PAK6: variants seen among roughly 807,000 people sequenced by gnomAD.
The protein encoded by PAK6 is p21 (RAC1) activated kinase 6.
A neutral mutation model predicts 60.8 loss-of-function variants in PAK6; 33 were observed. The ratio of observed to expected loss-of-function variants is 0.54; its 90% CI spans 0.41 to 0.73. PAK6 has a LOEUF of 0.73. PAK6 is among the 30% of genes least tolerant of loss of function. The pLI is 0.00. For synonymous variants in PAK6, 404 were observed against 378.5 expected, an observed-to-expected ratio of 1.07 and a Z score of -0.78; for missense variants, 845 against 904.1, an observed-to-expected ratio of 0.93 and a Z score of 0.84.
At chr15:40,267,576 G>A (rs530449610) in intron 5 of PAK6, among the ~76,000 whole-genome samples, 7 of 152,304 alleles carry the variant, frequency 4.6e-5, no homozygotes, top group South Asian at 2.1e-4. Flanking sequence ...GGAGAATGGC[G>A]TGAACCCGGG....
intron 4 of PAK6, 93 bp from the exon 5 acceptor site, chr15:40,265,749 C>A (rs1411818018): frequency 1.5e-5 from 18 of 1,176,202 alleles, no homozygotes; most frequent in Non-Finnish European, 2.1e-5. Flanking sequence ...CTCCCCAGGG[C>A]CCCCAGGGAC....
chr15:40,269,833 C>T (rs1039073063), intron 5 of PAK6, among the ~76,000 whole-genome samples: 18 of 152,210 alleles, frequency 1.2e-4, no homozygotes, highest in Admixed American at 2.0e-4. Context: ...AGCAGCAGCA[C>T]AGGGACCTGG....
chr15:40,245,443 G>T (rs2038472542), intron 2 of PAK6: 1 of 152,270 alleles, frequency 6.6e-6, no homozygotes, highest in Non-Finnish European at 1.5e-5. Flanking sequence ...TCCTGGCCTG[G>T]AGAGGCTCTA....
chr15:40,252,312 G>T (rs1420687066), intron 2 of PAK6: 9 of 1,241,688 alleles, frequency 7.2e-6, no homozygotes, highest in Non-Finnish European at 9.3e-6. Context: ...TCGGGTCTCC[G>T]CGAGGCGGCC....
At chr15:40,259,587 G>C (rs968000459) in intron 3 of PAK6, 1 of 152,110 alleles carries the variant, frequency 6.6e-6, no homozygotes, top group Admixed American at 6.5e-5. Flanking sequence ...AGGAGTTCAA[G>C]ATCAGCCCAG....
exon 5 of PAK6, chr15:40,266,178 G>C: frequency 6.2e-7 from 1 of 1,609,190 alleles, no homozygotes; most frequent in Non-Finnish European, 8.5e-7. Context: ...ACAGTCCCTG[G>C]GCCCCGCCGA....
chr15:40,273,801 C>A (rs1227762070), intron 9 of PAK6, 125 bp downstream of exon 9: 2 of 1,152,080 alleles, frequency 1.7e-6, no homozygotes, highest in African/African-American at 1.5e-5. Flanking sequence ...ACCTAGTCAA[C>A]ACCCTTCCCC....
At chr15:40,253,529 T>TGGCCCGCCC (rs2140958199) in intron 3 of PAK6, among the ~76,000 whole-genome samples, 1 of 152,328 alleles carries the variant, frequency 6.6e-6, no homozygotes, top group Admixed American at 6.5e-5. Flanking sequence ...AGACCTCAAA[T>TGGCCCGCCC]GGCCCGCCCT....
In PAK6 at chr15:40,276,780, G is replaced by A; in HGVS notation, c.*686G>A. 7.1e-6 allele frequency: 1 copy of A among 140,222 alleles called. No individual in the cohort carries two copies. The highest frequency in any genetic ancestry group is 1.6e-5 in the Non-Finnish European group (1 of 63,668). The allele number at this position is 140,222 out of a possible 1,614,324, so 8.7% of individuals were successfully genotyped here. A position where few individuals can be genotyped will look rare whatever the true frequency, so the allele number is the denominator to read the frequency against. On this transcript the variant is annotated 3_prime_UTR_variant, in exon 11 of 11. Transcript: ENST00000560346. ...TGTGTGTGTGTGTGTGTGTGTGTGT[G>A]TGTGTGTGTAAGGGGAGGAAAGCCA... is the stretch of plus-strand genomic sequence containing the variant.
At chr15:40,251,096 G>A in intron 2 of PAK6, 1 of 152,578 alleles carries the variant, frequency 6.6e-6, no homozygotes, top group Non-Finnish European at 1.5e-5. Context: ...CTACAGTATT[G>A]TCCACTCAGA....
At chr15:40,252,865 G>C (rs1463528266) in intron 2 of PAK6, 84 of 1,254,166 alleles carry the variant, frequency 6.7e-5, no homozygotes, top group Non-Finnish European at 8.4e-5. Flanking sequence ...CTCCCTCCGC[G>C]GGCGCCCGCC....
At chr15:40,255,064 GA>G (rs2038798883) in intron 3 of PAK6, among the ~76,000 whole-genome samples, 1 of 152,198 alleles carries the variant, frequency 6.6e-6, no homozygotes, top group South Asian at 2.1e-4. Flanking sequence ...TGTGATTAGG[GA>G]TGCCAGAGGT....
intron 2 of PAK6, among the ~76,000 whole-genome samples, chr15:40,248,885 G>C (rs765860980): frequency 6.6e-6 from 1 of 152,236 alleles, no homozygotes; most frequent in Non-Finnish European, 1.5e-5. Context: ...GCAGAGTTGA[G>C]AGAACCAGCT....
At chr15:40,251,846 G>A (rs2038677855) in intron 2 of PAK6, 1 of 153,062 alleles carries the variant, frequency 6.5e-6, no homozygotes, top group Admixed American at 6.5e-5. Flanking sequence ...GCAGCCAGGA[G>A]TGAGCCCCTT....
chr15:40,253,854 G>A (rs1049754815), intron 3 of PAK6, among the ~76,000 whole-genome samples: 1 of 152,084 alleles, frequency 6.6e-6, no homozygotes, highest in Non-Finnish European at 1.5e-5. Context: ...CAGGGTGTAG[G>A]TTGCGTTTTC....
chr15:40,254,397 G>A (rs1304788227), intron 3 of PAK6, among the ~76,000 whole-genome samples: 1 of 152,196 alleles, frequency 6.6e-6, no homozygotes, highest in African/African-American at 2.4e-5. Context: ...AAAGGTAGGG[G>A]TCCTTGGAGG....
chr15:40,273,230 C>A, intron 7 of PAK6, 116 bp from the exon 8 acceptor site: 1 of 1,324,146 alleles, frequency 7.6e-7, no homozygotes, highest in African/African-American at 1.5e-5. Flanking sequence ...TGCTGCCAAA[C>A]AGATTGCCTG....
exon 11 of PAK6, chr15:40,277,240 G>C (rs75108621): frequency 6.6e-6 from 1 of 152,290 alleles, no homozygotes; most frequent in Non-Finnish European, 1.5e-5. Context: ...TGTCCTCCTC[G>C]GCCCTGCCCC....
chr15:40,247,910 G>A (rs554039391), intron 2 of PAK6, among the ~76,000 whole-genome samples: 1 of 152,146 alleles, frequency 6.6e-6, no homozygotes, highest in Admixed American at 6.5e-5. Flanking sequence ...GTCGGGGAGG[G>A]GAGCTTTCTC....
Sources: gnomAD v4.1 joint callset for allele counts (sites outside exome capture counted in the v4.1 genomes callset) on GRCh38, gnomAD v4.1.1 for gene constraint, MANE v1.5 for transcripts, NCBI Gene and HGNC (gene_info 2026-07-23, HGNC 2026-07-21) for gene names.